Variants in DEPDC1B observed in about 807,000 individuals in gnomAD.
DEPDC1B encodes DEP domain containing 1B, also known as DEP domain-containing protein 1B.
In DEPDC1B, 51 loss-of-function variants were observed where a neutral mutation model predicts 66.5. That is an observed-to-expected ratio of 0.77 (90% CI 0.61 to 0.97). The LOEUF is 0.97. Ranked by LOEUF, DEPDC1B falls within the 50% of genes least tolerant of loss-of-function variation. The pLI is 0.00. For synonymous variants in DEPDC1B, 226 were observed against 223.6 expected (o/e 1.01, Z -0.10); for missense variants, 552 against 637.1 (o/e 0.87, Z 1.44).
At chr5:60,684,644 A>G (rs1754372290) in intron 2 of DEPDC1B, among the ~76,000 whole-genome samples, 1 of 152,216 alleles carries the variant, frequency 6.6e-6, no homozygotes, top group African/African-American at 2.4e-5. Context: ...AACTACTAGA[A>G]GAAAACAGGG....
At chr5:60,661,990 C>G (rs1339530710) in intron 2 of DEPDC1B, among the ~76,000 whole-genome samples, 1 of 152,110 alleles carries the variant, frequency 6.6e-6, no homozygotes, top group Non-Finnish European at 1.5e-5. Context: ...TCTGGAGAGA[C>G]TAAGGGAGGT....
intron 2 of DEPDC1B, among the ~76,000 whole-genome samples, chr5:60,664,765 C>T (rs1753800647): frequency 6.6e-6 from 1 of 152,086 alleles, no homozygotes. Context: ...AACTAATAGC[C>T]CTCATTCAGA....
At chr5:60,679,908 G>A (rs747057418) in intron 2 of DEPDC1B, among the ~76,000 whole-genome samples, 1 of 152,184 alleles carries the variant, frequency 6.6e-6, no homozygotes, top group Non-Finnish European at 1.5e-5. Context: ...ATGGGCAGAA[G>A]CAGTAAGTAC....
chr5:60,664,452 A>G (rs1753791634), intron 2 of DEPDC1B, among the ~76,000 whole-genome samples: 1 of 152,234 alleles, frequency 6.6e-6, no homozygotes. Flanking sequence ...CTTAAATATC[A>G]GGCTCTATTA....
Position 60,687,169 on chromosome 5 carries a change from C to T in DEPDC1B, c.107G>A (p.Arg36His), listed in dbSNP as rs148191375. 1,823 of 1,614,038 alleles carry T rather than the reference C, an allele frequency of 1.1e-3. 1 individual carries two copies. Among genetic ancestry groups the T allele is most frequent in the Non-Finnish European group, 1.4e-3 (1,676 of 1,179,932 alleles). Residue 36 changes from arginine to histidine, a missense_variant, in exon 2 of 11, where the codon CGT becomes CAT. By Grantham distance (29) the Arg-to-His change is conservative (BLOSUM62 0). Transcript: ENST00000265036. ...GAAACAATGCTCATAGCTCTTGAAA[C>T]GACAGCGATGTTTCCGTAACGGCAT... ...AKMPLRKHRC[R>H]FKSYEHCFTA...
chr5:60,647,092 C>T lies in DEPDC1B; in HGVS notation c.450+306G>A, dbSNP rs558151380. On this transcript the variant is annotated intron_variant, in intron 3 of 10. Coordinates refer to ENST00000265036, the MANE Select transcript of DEPDC1B (RefSeq NM_018369.3). ...ACTTGAATCATCCCGAAACCACCCC[C>T]ACCCCCACCCCAGCAGCCCTGGTCC... is the stretch of plus-strand genomic sequence containing the variant. Among the ~76,000 whole-genome samples, 6 of 152,010 alleles carry T rather than the reference C, an allele frequency of 3.9e-5. No individual in the cohort carries two copies. The South Asian group carries it at 1.3e-3, about 32-fold the overall frequency.
At chr5:60,697,228 A>G (rs1416493744) in intron 1 of DEPDC1B, among the ~76,000 whole-genome samples, 1 of 152,180 alleles carries the variant, frequency 6.6e-6, no homozygotes, top group African/African-American at 2.4e-5. Context: ...TTGTCATAAC[A>G]TTTTACCTAA....
chr5:60,660,591 G>C (rs568339041), intron 2 of DEPDC1B, among the ~76,000 whole-genome samples: 2 of 152,252 alleles, frequency 1.3e-5, no homozygotes, highest in East Asian at 1.9e-4. Flanking sequence ...AGCAGCAACT[G>C]CTTTGCTAGC....
In DEPDC1B at chr5:60,610,950, C is replaced by G. The variant is rs866067152; in HGVS notation, c.899-5094G>C. 3.3e-5 allele frequency among the ~76,000 whole-genome samples: 5 copies of G among 152,284 alleles called. No individual in the cohort carries two copies. In the South Asian group the frequency reaches 1.0e-3, roughly 32 times the overall value. Reference sequence around the variant, plus strand: ...GCTCCTTGTTATAGATTACCGAAGTCTTTATTGGAGTCACCTATTAATATA... The same window carrying G: ...GCTCCTTGTTATAGATTACCGAAGTGTTTATTGGAGTCACCTATTAATATA... On this transcript the variant is annotated intron_variant, in intron 7 of 10. Coordinates refer to ENST00000265036, the MANE Select transcript of DEPDC1B (RefSeq NM_018369.3).
At chr5:60,625,177 G>C (rs1752785151) in intron 7 of DEPDC1B, among the ~76,000 whole-genome samples, 1 of 152,142 alleles carries the variant, frequency 6.6e-6, no homozygotes, top group South Asian at 2.1e-4. Flanking sequence ...CCGAGTCTTT[G>C]CTATTGTGAA....
chr5:60,693,072 C>T (rs770081576), intron 1 of DEPDC1B, among the ~76,000 whole-genome samples: 5 of 152,068 alleles, frequency 3.3e-5, no homozygotes, highest in Admixed American at 1.3e-4. Context: ...ACATGGGATG[C>T]TCACTTTATG....
At chr5:60,642,904 A>C (rs1226002373) in intron 5 of DEPDC1B, 45 bp from the exon 6 acceptor site, 2 of 1,396,376 alleles carry the variant, frequency 1.4e-6, no homozygotes, top group Non-Finnish European at 2.0e-6. Context: ...ATAACTCAAG[A>C]CATCATATAC....
chr5:60,665,140 A>C (rs1490136652), intron 2 of DEPDC1B, among the ~76,000 whole-genome samples: 1 of 152,228 alleles, frequency 6.6e-6, no homozygotes, highest in Non-Finnish European at 1.5e-5. Flanking sequence ...CAGAAGAAAT[A>C]GAAAGGGGAA....
At chr5:60,637,233 G>A (rs530535882) in intron 7 of DEPDC1B, among the ~76,000 whole-genome samples, 2 of 152,284 alleles carry the variant, frequency 1.3e-5, no homozygotes, top group East Asian at 1.9e-4. Context: ...GGGCATGGTG[G>A]GAGGTGATTG....
intron 2 of DEPDC1B, chr5:60,647,973 G>T (rs112510473): frequency 0.012 from 1,899 of 153,022 alleles, 16 homozygotes; most frequent in Non-Finnish European, 0.02. Flanking sequence ...AGCAAATGCA[G>T]AAATAAAGAA....
intron 2 of DEPDC1B, among the ~76,000 whole-genome samples, chr5:60,672,989 T>C (rs1216156124): frequency 6.6e-6 from 1 of 152,180 alleles, no homozygotes; most frequent in African/African-American, 2.4e-5. Context: ...TCTTTGTCAA[T>C]AAATACTGGG....
rs753582788 is a variant in DEPDC1B at position 60,686,950 on chromosome 5, T to C, written c.314+12A>G. 6.2e-7 allele frequency: 1 copy of C among 1,613,094 alleles called. No homozygotes were observed. The highest frequency in any genetic ancestry group is 1.1e-5 in the South Asian group (1 of 91,050). On this transcript the variant is annotated intron_variant, in intron 2 of 10. Coordinates refer to ENST00000265036, the MANE Select transcript of DEPDC1B (RefSeq NM_018369.3). ...CAATTCCTCACCTTCCAGGTTTACA[T>C]GTTGCCATTACCTGTATAAGTGACG...
At chr5:60,631,184 A>G (rs143616464) in intron 7 of DEPDC1B, among the ~76,000 whole-genome samples, 112 of 152,300 alleles carry the variant, frequency 7.4e-4, no homozygotes, top group African/African-American at 2.5e-3. Flanking sequence ...GTCAAGGTAG[A>G]CTCAAAAGCA....
At chr5:60,631,262 C>A (rs925868833) in intron 7 of DEPDC1B, among the ~76,000 whole-genome samples, 2 of 152,182 alleles carry the variant, frequency 1.3e-5, no homozygotes, top group Non-Finnish European at 2.9e-5. Flanking sequence ...GAAAAGGTCC[C>A]ATGAAAGACA....
Sources: allele counts gnomAD v4.1 joint callset (sites outside exome capture counted in the v4.1 genomes callset), GRCh38; gene constraint gnomAD v4.1.1; transcripts MANE v1.5; gene names NCBI Gene and HGNC (gene_info 2026-07-23, HGNC 2026-07-21).